Variants in SHISA7 observed in about 807,000 individuals in gnomAD.
The protein encoded by SHISA7 is protein shisa-7.
SHISA7 carries 6 observed loss-of-function variants against 23.9 expected under a neutral mutation model. The ratio of observed to expected loss-of-function variants is 0.25; its 90% confidence interval spans 0.14 to 0.50. The LOEUF is 0.50. Among genes scored for constraint, SHISA7 ranks in the 20% least tolerant of loss-of-function variants. The pLI is 0.98. For missense variants in SHISA7, 671 were observed against 801.1 expected (o/e 0.84, Z 1.96); for synonymous variants, 386 against 398.3 (o/e 0.97, Z 0.37).
intron 3 of SHISA7, among the ~76,000 whole-genome samples, chr19:55,435,888 G>A (rs548047998): frequency 1.3e-5 from 2 of 151,976 alleles, no homozygotes; most frequent in South Asian, 2.1e-4. Flanking sequence ...TTCTCTACTC[G>A]CATGTATGTT....
At chr19:55,435,215 GGTGTGTGTGTAT>G (rs1162565879) in intron 3 of SHISA7, among the ~76,000 whole-genome samples, 6 of 133,198 alleles carry the variant, frequency 4.5e-5, no homozygotes, top group Admixed American at 1.5e-4. Context: ...GTGTGTGTAT[GGTGTGTGTGTAT>G]GTGTGTGTGC....
intron 3 of SHISA7, among the ~76,000 whole-genome samples, chr19:55,434,874 GGTGTGTGTGTATATGTGGTGTGTGT>G (rs1985372801): frequency 1.0e-5 from 1 of 96,272 alleles, no homozygotes. Context: ...TGGTGTGTGT[GGTGTGTGTGTATATGTGGTGTGTGT>G]GGTGTGTGTG....
chr19:55,435,415 T>C (rs2049359634), intron 3 of SHISA7, among the ~76,000 whole-genome samples: 2 of 124,510 alleles, frequency 1.6e-5, no homozygotes, highest in Admixed American at 8.8e-5. Context: ...GTGTTGTGTG[T>C]GTGTGTGTGT....
In SHISA7 at chr19:55,442,637, G is replaced by A; in HGVS notation, c.227C>T (p.Pro76Leu). 1.5e-6 allele frequency: 2 copies of A among 1,355,812 alleles called. No individual in the cohort carries two copies. The highest frequency in any genetic ancestry group is 3.0e-5 in the South Asian group (2 of 66,864). The allele number at this position is 1,355,812 out of a possible 1,614,324, so 84.0% of individuals were successfully genotyped here. The change falls in exon 1 of 4, where the codon CCC becomes CTC. Residue 76 changes from proline (P) to leucine (L), a missense_variant. By Grantham distance (98) the Pro-to-Leu change is moderately conservative (BLOSUM62 -3). This residue lies in a region of SHISA7 where 96 missense variants were observed against 113.1 expected (regional missense o/e 0.85). Coordinates refer to ENST00000376325, the MANE Select transcript of SHISA7 (RefSeq NM_001145176.2). ...AGGAGAAARA[P>L]PPAELCHGYY... Reference sequence around the variant, plus strand: ...GCCGTGGCAGAGCTCGGCGGGAGGGGGCGCCCGGGCCGCCGCGCCCGCCCC... The same window carrying A: ...GCCGTGGCAGAGCTCGGCGGGAGGGAGCGCCCGGGCCGCCGCGCCCGCCCC...
At chr19:55,440,812 C>T in intron 1 of SHISA7, 47 bp from the exon 2 acceptor site, 5 of 1,233,894 alleles carry the variant, frequency 4.1e-6, no homozygotes, top group Non-Finnish European at 4.1e-6. Context: ...CTGAGGGTGG[C>T]AGGGGTACCA....
intron 3 of SHISA7, among the ~76,000 whole-genome samples, chr19:55,435,409 TG>T (rs934028901): frequency 3.2e-4 from 12 of 37,232 alleles, no homozygotes; most frequent in Admixed American, 1.8e-3. Context: ...GGGTGTGTGT[TG>T]TGTGTGTGTG....
intron 1 of SHISA7, 34 bp from the exon 2 acceptor site, chr19:55,440,799 G>C (rs558679261): frequency 8.1e-7 from 1 of 1,236,792 alleles, no homozygotes; most frequent in Admixed American, 4.2e-5. Context: ...AAAGGCCTGG[G>C]GGCTGAGGGT....
intron 3 of SHISA7, among the ~76,000 whole-genome samples, chr19:55,435,053 TGTGTGTGTA>T: frequency 2.3e-5 from 1 of 43,868 alleles, no homozygotes; most frequent in Non-Finnish European, 5.0e-5. Flanking sequence ...GTGTGTGTGG[TGTGTGTGTA>T]GTGTGTATGG....
rs1440131202 is a variant in SHISA7 at position 55,443,221 on chromosome 19, G to A, written c.-358C>T. On this transcript the variant is annotated 5_prime_UTR_variant, in exon 1 of 4. It introduces an in-frame stop codon into an upstream open reading frame of the 5' UTR. Coordinates refer to ENST00000376325, the MANE Select transcript of SHISA7 (RefSeq NM_001145176.2). ...TGCGGGAGAAGCGATTGGGAGGGTC[G>A]ACAGACACCAGAGGGGTGTGCAGAC... Among the ~76,000 whole-genome samples the A allele has an allele frequency of 2.6e-5, 4 of 151,126 alleles. No homozygotes were observed. The highest frequency in any genetic ancestry group is 9.8e-5 in the African/African-American group (4 of 40,950).
intron 2 of SHISA7, chr19:55,438,442 G>A: frequency 1.1e-6 from 1 of 888,262 alleles, no homozygotes; most frequent in Non-Finnish European, 1.6e-6. Context: ...GCGCCATGAG[G>A]ACTGGGCTCA....
At chr19:55,435,089 G>GGT (rs776130001) in intron 3 of SHISA7, among the ~76,000 whole-genome samples, 40 of 60,092 alleles carry the variant, frequency 6.7e-4, no homozygotes, top group African/African-American at 2.2e-3. Flanking sequence ...TGGTGTGTGT[G>GGT]GTGTGTGTGT....
chr19:55,438,588 T>A (rs1322448295), intron 2 of SHISA7: 2 of 1,304,162 alleles, frequency 1.5e-6, no homozygotes, highest in Non-Finnish European at 2.0e-6. Flanking sequence ...TGCTTGGGGC[T>A]GTTGACGTTG....
Position 55,435,245 on chromosome 19 carries a change from CGT to C in SHISA7, c.977-1451_977-1450del, listed in dbSNP as rs749649211. On this transcript the variant is annotated intron_variant, in intron 3 of 3. Transcript: ENST00000376325. ...GTGTGTATGTGTGTGTGCGTGTGTG[CGT>C]GTGTGTGGTGTGTATGTGTGTGCGT... Among the ~76,000 whole-genome samples the C allele has an allele frequency of 4.5e-3, 257 of 56,526 alleles. No individual in the cohort carries two copies. In the Middle Eastern group the frequency reaches 0.048, roughly 11 times the overall value. The allele number at this position is 56,526 out of a possible 152,430, so 37.1% of individuals were successfully genotyped here.
rs1007942406 is a variant in SHISA7, at chr19:55,432,994, A to T, written c.*162T>A. The stretch of plus-strand genomic sequence containing the variant: ...TTGGCTCAAGCAGTGAAGTAATAGG[A>T]GGAGGAATCTTGTCTGCCAGGACAT... On this transcript the variant is annotated 3_prime_UTR_variant, in exon 4 of 4. Coordinates refer to ENST00000376325, the MANE Select transcript of SHISA7 (RefSeq NM_001145176.2). This position sits in a 1 kb window ranked among gnomAD's most constrained non-coding sequence, Gnocchi z 4.6. 15 of 859,976 alleles carry T rather than the reference A, an allele frequency of 1.7e-5. No individual in the cohort carries two copies. The East Asian group carries it at 5.0e-4, about 29-fold the overall frequency. 53.3% of individuals were successfully genotyped at this position (859,976 alleles called of 1,614,324 possible).
intron 3 of SHISA7, among the ~76,000 whole-genome samples, chr19:55,434,426 TGTG>T (rs1985315460): frequency 1.6e-5 from 2 of 123,980 alleles, no homozygotes; most frequent in Non-Finnish European, 1.7e-5. Context: ...GTGTGTATGG[TGTG>T]TGTGTGGTGT....
chr19:55,433,677 A>T lies in SHISA7; in HGVS notation c.1096T>A (p.Trp366Arg). The T allele has an allele frequency of 6.7e-7, 1 of 1,484,722 alleles. No individual in the cohort carries two copies. Among genetic ancestry groups the T allele is most frequent in the Admixed American group, 2.3e-5 (1 of 43,212 alleles). 92.0% of individuals were successfully genotyped at this position (1,484,722 alleles called of 1,614,324 possible). A position where few individuals can be genotyped will look rare whatever the true frequency, so the allele number is the denominator to read the frequency against. ...AGGCCCAGCTCCTCTGGGCCGCCCCAGGCCTCCATGCGATAGCCGCCCCCC... is the reference window on the plus strand; with the variant it reads ...AGGCCCAGCTCCTCTGGGCCGCCCCTGGCCTCCATGCGATAGCCGCCCCCC... ...GTGGGYRMEA[W>R]GGPEELGLAP... Residue 366 changes from tryptophan to arginine, a missense_variant, in exon 4 of 4, where the codon TGG (tryptophan) becomes AGG (arginine). Physicochemically the swap from Trp to Arg is moderately radical, Grantham distance 101. This residue lies in a region of SHISA7 where 457 missense variants were observed against 488.3 expected (regional missense o/e 0.94). Transcript: ENST00000376325. The surrounding 1 kb of genome is among the most constrained non-coding windows in gnomAD (Gnocchi z 8.4).
At chr19:55,441,118 G>A (rs1305118417) in intron 1 of SHISA7, among the ~76,000 whole-genome samples, 1 of 152,024 alleles carries the variant, frequency 6.6e-6, no homozygotes, top group Admixed American at 6.5e-5. Context: ...CCAGTGATGC[G>A]GACCTCAAAC....
chr19:55,437,682 T>C lies in SHISA7; in HGVS notation c.899A>G (p.Asn300Ser). Residue 300 changes from asparagine (N) to serine (S), a missense_variant, in exon 3 of 4, where the codon AAC becomes AGC. Coordinates refer to ENST00000376325, the MANE Select transcript of SHISA7 (RefSeq NM_001145176.2). ...STLSCSRSFH[N>S]LSHLPPSYEA... ...GTAGGACGGGGGCAGATGCGAGAGG[T>C]TGTGGAAGGACCGAGAGCAGGACAG... is the stretch of plus-strand genomic sequence containing the variant. 1.3e-6 allele frequency: 2 copies of C among 1,551,046 alleles called. No homozygotes were observed. The highest frequency in any genetic ancestry group is 1.7e-6 in the Non-Finnish European group (2 of 1,146,818).
rs1352028384 is a variant in SHISA7 at position 55,433,281 on chromosome 19, C to T, written c.1492G>A (p.Gly498Arg). Residue 498 changes from glycine (G) to arginine (R), a missense_variant, in exon 4 of 4, where the codon GGG becomes AGG. Coordinates refer to ENST00000376325, the MANE Select transcript of SHISA7 (RefSeq NM_001145176.2). This position sits in a 1 kb window ranked among gnomAD's most constrained non-coding sequence, Gnocchi z 8.4. ...GGCGGCCTGCGGGCCAGTGTGCCCCCGCCCCCGCCGGCGTCGGACATCCAG... is the reference window on the plus strand; with the variant it reads ...GGCGGCCTGCGGGCCAGTGTGCCCCTGCCCCCGCCGGCGTCGGACATCCAG... The part of the protein sequence containing the change: ...PAWMSDAGGG[G>R]GTLARRPPFQ... 2.7e-6 allele frequency: 4 copies of T among 1,507,120 alleles called. No individual in the cohort carries two copies. The African/African-American group carries it at 4.3e-5, about 16-fold the overall frequency. The allele number at this position is 1,507,120 out of a possible 1,614,324, so 93.4% of individuals were successfully genotyped here.
Sources: gnomAD v4.1 joint callset for allele counts (sites outside exome capture counted in the v4.1 genomes callset) on GRCh38, gnomAD v4.1.1 for gene constraint, gnomAD v4.1.1 regional missense constraint, Gnocchi (gnomAD v3.1) non-coding constraint, MANE v1.5 for transcripts, NCBI Gene and HGNC (gene_info 2026-07-23, HGNC 2026-07-21) for gene names.